The following AMMECR1 variants were observed in gnomAD, a reference collection of about 807,000 sequenced individuals.
The protein encoded by AMMECR1 is AMMECR nuclear protein 1, also known as nuclear protein AMMECR1.
Under a neutral mutation model 22.5 loss-of-function variants are expected in AMMECR1, and 3 were observed. The observed-to-expected ratio is 0.13, with a 90% CI of 0.06 to 0.35. The LOEUF (loss-of-function observed/expected upper bound fraction) is 0.35, where lower values mean the gene tolerates loss of function less well. Among genes scored for constraint, AMMECR1 ranks in the 10% least tolerant of loss-of-function variants. The pLI is 1.00. For missense variants in AMMECR1, 235 were observed against 278.7 expected (o/e 0.84, Z 1.12); for synonymous variants, 130 against 116.7 (o/e 1.11, Z -0.74).
At chrX:110,262,634 AT>A (rs1187355792) in intron 2 of AMMECR1, among the ~76,000 whole-genome samples, 2 of 112,173 alleles carry the variant, frequency 1.8e-5, no homozygotes, top group Non-Finnish European at 1.9e-5. Context: ...AAAAGAATTT[AT>A]TTTTTTCTTT....
chrX:110,200,010 G>A (rs2148161771), intron 5 of AMMECR1, among the ~76,000 whole-genome samples: 1 of 111,419 alleles, frequency 9.0e-6, no homozygotes, highest in South Asian at 3.8e-4. Context: ...AGCCCAATCA[G>A]ACTATTTCAT....
chrX:110,378,000 C>T (rs2068390305), intron 2 of AMMECR1, among the ~76,000 whole-genome samples: 1 of 79,963 alleles, frequency 1.3e-5, no homozygotes, highest in African/African-American at 6.4e-5. Context: ...CAGAGCGAGA[C>T]TCCGTCTCAA....
intron 1 of AMMECR1, among the ~76,000 whole-genome samples, chrX:110,314,578 G>C (rs372441380): frequency 8.9e-6 from 1 of 111,816 alleles, no homozygotes; most frequent in Non-Finnish European, 1.9e-5. Flanking sequence ...GACTGCTCTG[G>C]AGTCTAACTA....
intron 2 of AMMECR1, among the ~76,000 whole-genome samples, chrX:110,368,334 A>T (rs2068312759): frequency 9.0e-6 from 1 of 111,114 alleles, no homozygotes; most frequent in East Asian, 2.8e-4. Flanking sequence ...GACCTACAAG[A>T]TTCTACATGA....
At chrX:110,282,838 G>T (rs1296679671) in intron 1 of AMMECR1, among the ~76,000 whole-genome samples, 1 of 111,258 alleles carries the variant, frequency 9.0e-6, no homozygotes, top group Non-Finnish European at 1.9e-5. Context: ...ATGATATTAT[G>T]AATTAAGTAC....
intron 2 of AMMECR1, among the ~76,000 whole-genome samples, chrX:110,221,632 T>A (rs753504747): frequency 9.0e-6 from 1 of 111,441 alleles, no homozygotes; most frequent in African/African-American, 3.3e-5. Context: ...TGCTGCTCAA[T>A]GACCATTAAC....
chrX:110,308,534 C>T (rs545088571), intron 1 of AMMECR1, among the ~76,000 whole-genome samples: 1 of 110,894 alleles, frequency 9.0e-6, no homozygotes. Flanking sequence ...TCATTAGTGT[C>T]GGAAAAATAG....
At chrX:110,273,985 G>A (rs537460512) in intron 1 of AMMECR1, among the ~76,000 whole-genome samples, 16 of 111,661 alleles carry the variant, frequency 1.4e-4, no homozygotes, top group African/African-American at 5.2e-4. Context: ...TTTGTTCCAT[G>A]TGAAATTTAG....
In AMMECR1 at chrX:110,224,745, G is replaced by T. The variant is rs182775653; in HGVS notation, c.585-8113C>A. On this transcript the variant is annotated intron_variant, in intron 2 of 5. Transcript: ENST00000262844. ...TCAGAAATAAAGTTCCCTAAATCAT[G>T]TTTGATGGATTTAGATATATTACTC... Among the ~76,000 whole-genome samples, 368 of 110,966 alleles carry T rather than the reference G, an allele frequency of 3.3e-3. 1 individual carries two copies. Among genetic ancestry groups the T allele is most frequent in the Admixed American group, 6.5e-3 (68 of 10,395 alleles).
At chrX:110,324,049 T>G (rs892234776) in intron 2 of AMMECR1, among the ~76,000 whole-genome samples, 1 of 106,584 alleles carries the variant, frequency 9.4e-6, no homozygotes, top group Non-Finnish European at 1.9e-5. Context: ...CAGGCTGGAG[T>G]GCAGTGGCAT....
chrX:110,306,090 G>A (rs1345577850), intron 1 of AMMECR1, among the ~76,000 whole-genome samples: 1 of 110,887 alleles, frequency 9.0e-6, no homozygotes, highest in African/African-American at 3.3e-5. Context: ...GACCATCCTG[G>A]CTAACACGGT....
rs187580187 is a variant in AMMECR1 at position 110,401,150 on chromosome X, T to C, written c.-148+25508A>G. ...CATTCAGAGGAGTAACAAAGATACATAGCAAGTAGGCTGCAAAGCTAGGAT... is the reference window on the plus strand; with the variant it reads ...CATTCAGAGGAGTAACAAAGATACACAGCAAGTAGGCTGCAAAGCTAGGAT... On this transcript the variant is annotated intron_variant, in intron 2 of 7. Transcript: ENST00000372057. Among the ~76,000 whole-genome samples, 3 of 112,389 alleles carry C rather than the reference T, an allele frequency of 2.7e-5. No homozygotes were observed. In the East Asian group the frequency reaches 8.4e-4, roughly 31 times the overall value.
intron 2 of AMMECR1, among the ~76,000 whole-genome samples, chrX:110,397,011 C>A (rs776481210): frequency 8.9e-6 from 1 of 111,838 alleles, no homozygotes; most frequent in Non-Finnish European, 1.9e-5. Flanking sequence ...GAGCTGACTC[C>A]GGAGCCCACA....
chrX:110,408,693 A>G (rs1179226938), intron 2 of AMMECR1, among the ~76,000 whole-genome samples: 2 of 112,315 alleles, frequency 1.8e-5, no homozygotes, highest in African/African-American at 6.5e-5. Flanking sequence ...TGCTTTTGGA[A>G]TTAATCAATA....
rs970859192 is a variant in AMMECR1 at position 110,292,954 on chromosome X, G to A, written c.473+24645C>T. On this transcript the variant is annotated intron_variant, in intron 1 of 5. Transcript: ENST00000262844. ...ATATATGTGCGAGCAAGGAGTATAC[G>A]GTATATCTCTGTACCTTTCTCTCAC... 8.1e-5 allele frequency among the ~76,000 whole-genome samples: 9 copies of A among 111,598 alleles called. No individual in the cohort carries two copies. In the East Asian group the frequency reaches 8.4e-4, roughly 10 times the overall value.
intron 2 of AMMECR1, among the ~76,000 whole-genome samples, chrX:110,260,654 T>TAC (rs1164994820): frequency 9.0e-6 from 1 of 111,635 alleles, no homozygotes; most frequent in Non-Finnish European, 1.9e-5. Flanking sequence ...GTTAAGGGAC[T>TAC]ACACACAAGC....
rs2068289049 is a variant in AMMECR1 at position 110,365,157 on chromosome X, G to T, written c.-147-47308C>A. Among the ~76,000 whole-genome samples the T allele has an allele frequency of 3.6e-5, 4 of 111,941 alleles. No homozygotes were observed. The East Asian group carries it at 8.4e-4, about 23-fold the overall frequency. ...GTGGTCAGTTTGTGGGCCGCCTATT[G>T]TGGTGGTCCACTGAGTGACACCTGG... On this transcript the variant is annotated intron_variant, in intron 2 of 7. Coordinates refer to the AMMECR1 transcript ENST00000372057.
chrX:110,424,236 C>T (rs1225968365), intron 2 of AMMECR1, among the ~76,000 whole-genome samples: 1 of 111,615 alleles, frequency 9.0e-6, no homozygotes, highest in Non-Finnish European at 1.9e-5. Flanking sequence ...CATTGTGGGC[C>T]CGTCACAGCT....
chrX:110,332,029 T>C, intron 2 of AMMECR1, among the ~76,000 whole-genome samples: 1 of 111,865 alleles, frequency 8.9e-6, no homozygotes, highest in South Asian at 3.7e-4. Flanking sequence ...CAGGCTACTC[T>C]GATATTATAG....
Sources: gnomAD v4.1 joint callset for allele counts (sites outside exome capture counted in the v4.1 genomes callset) on GRCh38, gnomAD v4.1.1 for gene constraint, MANE v1.5 for transcripts, NCBI Gene and HGNC (gene_info 2026-07-23, HGNC 2026-07-21) for gene names.